The following ZNFX1 variants were observed in gnomAD, a reference collection of about 807,000 sequenced individuals.
The protein encoded by ZNFX1 is NFX1-type zinc finger-containing protein 1.
In ZNFX1, 78 loss-of-function variants were observed where a neutral mutation model predicts 179.8. That is an observed-to-expected ratio of 0.43 (90% CI 0.36 to 0.52). The LOEUF (loss-of-function observed/expected upper bound fraction) is 0.52, where lower values mean the gene tolerates loss of function less well. Among genes scored for constraint, ZNFX1 ranks in the 20% least tolerant of loss-of-function variants. The pLI, the probability that ZNFX1 is intolerant of heterozygous loss-of-function variation, is 0.00. For synonymous variants in ZNFX1, 848 were observed against 868.5 expected, an observed-to-expected ratio of 0.98 and a Z score of 0.42; for missense variants, 1,927 against 2,386.6, an observed-to-expected ratio of 0.81 and a Z score of 4.01.
chr20:49,263,238 T>C (rs1231968584), intron 6 of ZNFX1, 96 bp downstream of exon 6: 3 of 1,433,106 alleles, frequency 2.1e-6, no homozygotes, highest in East Asian at 2.3e-5. Flanking sequence ...CATCAGATTA[T>C]CAAACAGGTA....
chr20:49,253,355 T>G (rs1305377253), intron 11 of ZNFX1, among the ~76,000 whole-genome samples: 1 of 151,932 alleles, frequency 6.6e-6, no homozygotes, highest in Non-Finnish European at 1.5e-5. Context: ...TTATGTAGAG[T>G]GCATTAAAAG....
chr20:49,258,870 G>A (rs173205), intron 7 of ZNFX1, among the ~76,000 whole-genome samples: 101,725 of 150,872 alleles, frequency 0.67, 35,078 homozygotes, highest in Non-Finnish European at 0.76. Flanking sequence ...CTGGGAGGCC[G>A]AGGTGGGCAG....
chr20:49,268,035 G>A (rs1315585092), intron 3 of ZNFX1, among the ~76,000 whole-genome samples: 7 of 151,800 alleles, frequency 4.6e-5, no homozygotes, highest in African/African-American at 1.2e-4. Flanking sequence ...CACCATGCCC[G>A]GCTAATTTTT....
intron 7 of ZNFX1, 112 bp from the exon 8 acceptor site, chr20:49,257,776 A>G: frequency 3.5e-6 from 5 of 1,432,830 alleles, no homozygotes; most frequent in African/African-American, 1.5e-5. Flanking sequence ...ATCTTGGCTC[A>G]TTGCAACCTC....
At chr20:49,263,973 C>T (rs1981177702) in intron 5 of ZNFX1, among the ~76,000 whole-genome samples, 1 of 152,088 alleles carries the variant, frequency 6.6e-6, no homozygotes, top group African/African-American at 2.4e-5. Context: ...CCTGTAATCC[C>T]AGCACTTTGG....
chr20:49,267,477 G>T (rs1403084237), intron 3 of ZNFX1, among the ~76,000 whole-genome samples: 2 of 141,036 alleles, frequency 1.4e-5, no homozygotes, highest in Non-Finnish European at 3.0e-5. Context: ...GTTACATAAA[G>T]TTTTTTTTTT....
chr20:49,250,061 C>G (rs1015716607), intron 13 of ZNFX1, among the ~76,000 whole-genome samples: 1 of 152,146 alleles, frequency 6.6e-6, no homozygotes, highest in Non-Finnish European at 1.5e-5. Context: ...TTGAGACCAG[C>G]CTGGCCCACA....
intron 6 of ZNFX1, 56 bp downstream of exon 6, chr20:49,263,278 C>T (rs1444901386): frequency 3.2e-6 from 5 of 1,581,416 alleles, no homozygotes; most frequent in Non-Finnish European, 3.5e-6. Context: ...CTCCTGGAGG[C>T]TACCTCAAAG....
chr20:49,259,356 T>G (rs1981059878), intron 7 of ZNFX1, among the ~76,000 whole-genome samples: 1 of 152,256 alleles, frequency 6.6e-6, no homozygotes, highest in South Asian at 2.1e-4. Flanking sequence ...ATTTCCTTTT[T>G]AAAAGATAAT....
chr20:49,253,875 G>C, intron 10 of ZNFX1, 64 bp from the exon 11 acceptor site: 1 of 1,584,530 alleles, frequency 6.3e-7, no homozygotes. Flanking sequence ...AGGGCCACTG[G>C]GCCTCTGGGA....
In ZNFX1 at chr20:49,248,193, CA is replaced by C; in HGVS notation, c.4830del (p.Asp1610GlufsTer7). 1 of 1,614,176 alleles carries C rather than the reference CA, an allele frequency of 6.2e-7. No homozygotes were observed. Among genetic ancestry groups the C allele is most frequent in the Non-Finnish European group, 8.5e-7 (1 of 1,180,032 alleles). On this transcript the variant is annotated frameshift_variant, in exon 14 of 14. Coordinates refer to ENST00000396105, the MANE Select transcript of ZNFX1 (RefSeq NM_021035.3). LOFTEE classifies it high-confidence loss of function. The surrounding 1 kb of genome is among the most constrained non-coding windows in gnomAD (Gnocchi z 4.6). ...LDRYMNEQKD[D>X]EVAIRLKVCP... ...CAGACTTTCAATCTGATGGCGACTTCATCATCCTTCTGTTCATTCATGTAGC... is the reference window on the plus strand; with the variant it reads ...CAGACTTTCAATCTGATGGCGACTTCTCATCCTTCTGTTCATTCATGTAGC...
At chr20:49,254,267 TC>T (rs1980914510) in intron 10 of ZNFX1, among the ~76,000 whole-genome samples, 1 of 152,154 alleles carries the variant, frequency 6.6e-6, no homozygotes, top group Non-Finnish European at 1.5e-5. Context: ...CCTCAGGTGA[TC>T]CACCTGCCTT....
intron 3 of ZNFX1, among the ~76,000 whole-genome samples, chr20:49,268,367 C>T (rs1286790783): frequency 1.3e-5 from 2 of 152,120 alleles, no homozygotes; most frequent in Non-Finnish European, 2.9e-5. Flanking sequence ...TACATTTGAC[C>T]TCTAGCAATC....
Position 49,270,337 on chromosome 20 carries a change from T to C in ZNFX1, c.1475A>G (p.Gln492Arg). ...AGAGGGCTGGACCTCTGCTAGCAGC[T>C]GTTGGCTTTGCTCATTGAAGCAGAG... Reference protein sequence around the residue: ...VQLCFNEQSQQLLAEVQPSDS... With the variant: ...VQLCFNEQSQRLLAEVQPSDS... The change falls in exon 3 of 14, where the codon CAG (glutamine) becomes CGG (arginine). Residue 492 changes from glutamine to arginine, a missense_variant. By Grantham distance (43) the Gln-to-Arg change is conservative (BLOSUM62 1). Transcript: ENST00000396105. This position sits in a 1 kb window ranked among gnomAD's most constrained non-coding sequence, Gnocchi z 4.6. 2 of 1,614,194 alleles carry C rather than the reference T, an allele frequency of 1.2e-6. No homozygotes were observed. The highest frequency in any genetic ancestry group is 1.7e-6 in the Non-Finnish European group (2 of 1,180,022).
In ZNFX1 at chr20:49,271,184, T is replaced by C. The variant is rs962197167; in HGVS notation, c.628A>G (p.Ile210Val). ...TTGAGAAATTTGGAGTTTTTCAATATGCCCAGTACATGGAGAACACTCTGG... is the reference window on the plus strand; with the variant it reads ...TTGAGAAATTTGGAGTTTTTCAATACGCCCAGTACATGGAGAACACTCTGG... ...DRQSVLHVLG[I>V]LKNSKFLKVC... The change falls in exon 3 of 14, where the codon ATA becomes GTA. Residue 210 changes from isoleucine (I) to valine (V), a missense_variant. Coordinates refer to ENST00000396105, the MANE Select transcript of ZNFX1 (RefSeq NM_021035.3). The C allele has an allele frequency of 1.2e-6, 2 of 1,614,098 alleles. No homozygotes were observed. Among genetic ancestry groups the C allele is most frequent in the Non-Finnish European group, 1.7e-6 (2 of 1,179,966 alleles).
Position 49,270,092 on chromosome 20 carries a change from C to A in ZNFX1, c.1720G>T (p.Val574Phe), listed in dbSNP as rs1488325024. Residue 574 changes from valine to phenylalanine, a missense_variant, in exon 3 of 14, where the codon GTC (valine) becomes TTC (phenylalanine). Coordinates refer to ENST00000396105, the MANE Select transcript of ZNFX1 (RefSeq NM_021035.3). This position sits in a 1 kb window ranked among gnomAD's most constrained non-coding sequence, Gnocchi z 4.6. The part of the protein sequence containing the change: ...PSATGEFLRN[V>F]EGLRHPRINV... ...ATTCTGGGATGTCTCAAACCCTCGA[C>A]ATTTCTTAGAAATTCCCCAGTGGCT... The A allele has an allele frequency of 6.2e-7, 1 of 1,614,248 alleles. No individual in the cohort carries two copies.
At chr20:49,265,762 A>C (rs1205672250) in intron 4 of ZNFX1, among the ~76,000 whole-genome samples, 2 of 152,230 alleles carry the variant, frequency 1.3e-5, no homozygotes, top group Non-Finnish European at 1.5e-5. Context: ...GGGCTATAGA[A>C]AAAGTCCACC....
In ZNFX1 at chr20:49,249,286, G is replaced by A. The variant is rs1466873250; in HGVS notation, c.3738C>T (p.Ile1246=). ...MLAKVPLWSK[I]IHTLRENNQI... ...GATTGTTCTCTCGAAGTGTATGAAT[G>A]ATCTTGCTCCACAGGGGCACCTTGG... The change falls in exon 14 of 14, where the codon ATC becomes ATT. Residue 1246 remains isoleucine (I), a synonymous_variant. Transcript: ENST00000396105. 1 of 1,614,142 alleles carries A rather than the reference G, an allele frequency of 6.2e-7. No homozygotes were observed. The highest frequency in any genetic ancestry group is 1.3e-5 in the African/African-American group (1 of 74,948).
At position 49,248,742 on chromosome 20, in the gene ZNFX1, G is replaced by A. The variant is rs765494129; in HGVS notation, c.4282C>T (p.Leu1428=). ...CCACACTTTGTGGTACACTTGACTAGCAGACCACCATACAGGAGGCCTTCC... is the reference window on the plus strand; with the variant it reads ...CCACACTTTGTGGTACACTTGACTAACAGACCACCATACAGGAGGCCTTCC... ...HVEGLLYGGL[L]VKCTTKCGTI... is the part of the protein sequence containing the mutation. The change falls in exon 14 of 14, where the codon CTA becomes TTA. Residue 1428 remains leucine, a synonymous_variant. Transcript: ENST00000396105. This position sits in a 1 kb window ranked among gnomAD's most constrained non-coding sequence, Gnocchi z 4.6. 1.2e-6 allele frequency: 2 copies of A among 1,613,378 alleles called. No homozygotes were observed. Among genetic ancestry groups the A allele is most frequent in the Non-Finnish European group, 1.7e-6 (2 of 1,180,042 alleles).
Sources: gnomAD v4.1 joint callset for allele counts (sites outside exome capture counted in the v4.1 genomes callset) on GRCh38, gnomAD v4.1.1 for gene constraint, Gnocchi (gnomAD v3.1) non-coding constraint, MANE v1.5 for transcripts, NCBI Gene and HGNC (gene_info 2026-07-23, HGNC 2026-07-21) for gene names.